The following STRN3 variants were observed in gnomAD, a reference collection of about 807,000 sequenced individuals.
STRN3 encodes striatin-3.
STRN3 carries 29 observed loss-of-function variants against 95.6 expected under a neutral mutation model. That is an observed-to-expected ratio of 0.30 (90% CI 0.23 to 0.41). STRN3 has a LOEUF of 0.41. STRN3 is among the 10% of genes least tolerant of loss of function. The probability of loss-of-function intolerance (pLI) is 1.00; values close to 1 mark genes in which losing one functional copy is unlikely to be tolerated. For synonymous variants in STRN3, 331 were observed against 357.6 expected (o/e 0.93, Z 0.84); for missense variants, 890 against 972.1 (o/e 0.92, Z 1.12).
chr14:30,962,340 T>C (rs1880251007), intron 1 of STRN3, among the ~76,000 whole-genome samples: 1 of 152,164 alleles, frequency 6.6e-6, no homozygotes, highest in African/African-American at 2.4e-5. Context: ...AGTAAAATGA[T>C]TATGGTAAGC....
rs533060281 is a variant in STRN3 at position 30,954,433 on chromosome 14, G to A, written c.460+1187C>T. Among the ~76,000 whole-genome samples, 6 of 152,092 alleles carry A rather than the reference G, an allele frequency of 3.9e-5. No individual in the cohort carries two copies. The East Asian group carries it at 1.2e-3, about 29-fold the overall frequency. On this transcript the variant is annotated intron_variant, in intron 3 of 17. Transcript: ENST00000357479. ...ATTTCTTTGGGGGTATATAAAAGGC[G>A]ACATTGTTTCATTTAATATTATCTC...
intron 1 of STRN3, chr14:31,018,468 T>C (rs1883349374): frequency 4.7e-6 from 2 of 421,656 alleles, no homozygotes; most frequent in South Asian, 3.4e-5. Context: ...CTCCTGACTG[T>C]CACCGTCACT....
At position 30,950,106 on chromosome 14, in the gene STRN3, T is replaced by C. The variant is rs1404586646; in HGVS notation, c.542+757A>G. On this transcript the variant is annotated intron_variant, in intron 4 of 17. Transcript: ENST00000357479. ...TAAGCTAGAGCTAGGGAAACAGAAATAAAATAAAAGCAACCATAGGTAGAA... is the reference window on the plus strand; with the variant it reads ...TAAGCTAGAGCTAGGGAAACAGAAACAAAATAAAAGCAACCATAGGTAGAA... 2.0e-5 allele frequency among the ~76,000 whole-genome samples: 3 copies of C among 151,216 alleles called. No homozygotes were observed. In the East Asian group the frequency reaches 5.8e-4, roughly 29 times the overall value.
intron 8 of STRN3, among the ~76,000 whole-genome samples, chr14:30,924,419 G>T (rs960458944): frequency 1.4e-5 from 2 of 147,790 alleles, no homozygotes; most frequent in Admixed American, 1.4e-4. Flanking sequence ...TCCCCAAGTA[G>T]CTGGGACTAC....
At chr14:30,900,438 TGGGGCGGGGG>T (rs1214246622) in intron 16 of STRN3, among the ~76,000 whole-genome samples, 3 of 4,124 alleles carry the variant, frequency 7.3e-4, no homozygotes, top group Non-Finnish European at 1.6e-3. Context: ...ACGGGGGGTG[TGGGGCGGGGG>T]GGGGCGGTGT....
At chr14:30,979,978 G>A (rs994715429) in intron 1 of STRN3, among the ~76,000 whole-genome samples, 2 of 128,276 alleles carry the variant, frequency 1.6e-5, no homozygotes, top group Admixed American at 1.6e-4. Flanking sequence ...GCCAGGTGCG[G>A]TGGCTCACGC....
intron 1 of STRN3, chr14:31,018,463 G>T: frequency 4.8e-6 from 2 of 419,258 alleles, no homozygotes; most frequent in South Asian, 3.4e-5. Context: ...ACCTCCTCCT[G>T]ACTGTCACCG....
chr14:31,018,649 C>A, intron 1 of STRN3: 1 of 468,582 alleles, frequency 2.1e-6, no homozygotes, highest in Non-Finnish European at 4.2e-6. Context: ...ACTTTGCGGA[C>A]AAAACTGGCC....
intron 13 of STRN3, among the ~76,000 whole-genome samples, 182 bp downstream of exon 13, chr14:30,910,859 C>T (rs1305600761): frequency 6.6e-6 from 1 of 152,044 alleles, no homozygotes; most frequent in African/African-American, 2.4e-5. Flanking sequence ...AATTCATAGG[C>T]TTAAATACCC....
At chr14:31,018,705 T>C (rs1005152405) in intron 1 of STRN3, 2 of 455,786 alleles carry the variant, frequency 4.4e-6, no homozygotes, top group Admixed American at 2.6e-5. Flanking sequence ...GTTGATAAAC[T>C]TGCAAAAAAA....
intron 8 of STRN3, among the ~76,000 whole-genome samples, chr14:30,926,154 A>T (rs1184763849): frequency 6.6e-6 from 1 of 152,134 alleles, no homozygotes; most frequent in South Asian, 2.1e-4. Context: ...TCATAAAGGA[A>T]GTATAAAAAA....
In STRN3 at chr14:31,025,956, G is replaced by C. The variant is rs777672444; in HGVS notation, c.230C>G (p.Ala77Gly). ...GTGCGCCCGCTCCATCTCGAACCGAGCCCACTCGTGCTGGATGTAGTGCAG... is the reference window on the plus strand; with the variant it reads ...GTGCGCCCGCTCCATCTCGAACCGACCCCACTCGTGCTGGATGTAGTGCAG... ...GILHYIQHEW[A>G]RFEMERAHWE... The change falls in exon 1 of 18, where the codon GCT becomes GGT. Residue 77 changes from alanine to glycine, a missense_variant. By Grantham distance (60) the Ala-to-Gly change is moderately conservative (BLOSUM62 0). Transcript: ENST00000357479. The C allele has an allele frequency of 3.8e-6, 6 of 1,592,756 alleles. No homozygotes were observed. Among genetic ancestry groups the C allele is most frequent in the Non-Finnish European group, 2.6e-6 (3 of 1,170,374 alleles).
At chr14:31,002,604 G>C (rs1171754120) in intron 1 of STRN3, among the ~76,000 whole-genome samples, 1 of 150,616 alleles carries the variant, frequency 6.6e-6, no homozygotes, top group African/African-American at 2.5e-5. Context: ...TCACGCCACT[G>C]CACTTCAGTC....
At chr14:30,903,403 C>T (rs1026267931) in intron 15 of STRN3, among the ~76,000 whole-genome samples, 10 of 152,124 alleles carry the variant, frequency 6.6e-5, no homozygotes, top group African/African-American at 2.4e-4. Context: ...AATTATAAAA[C>T]AATTTTTTTT....
At chr14:30,900,293 A>C (rs1158898664) in intron 16 of STRN3, among the ~76,000 whole-genome samples, 1 of 146,210 alleles carries the variant, frequency 6.8e-6, no homozygotes, top group African/African-American at 2.5e-5. Context: ...CAGGAGGCAG[A>C]GGTTGCAGTG....
chr14:31,009,219 T>C (rs552072129), intron 1 of STRN3, among the ~76,000 whole-genome samples: 4 of 152,164 alleles, frequency 2.6e-5, no homozygotes, highest in African/African-American at 9.6e-5. Context: ...GTACTAGACA[T>C]GAAAGGATAT....
intron 1 of STRN3, among the ~76,000 whole-genome samples, chr14:30,976,076 T>TA (rs1459741877): frequency 6.6e-6 from 1 of 152,010 alleles, no homozygotes; most frequent in African/African-American, 2.4e-5. Flanking sequence ...ACATCAATAA[T>TA]CACTTTAAAT....
In STRN3 at chr14:30,911,166, T is replaced by C. The variant is rs1566430492; in HGVS notation, c.1599-4A>G. On this transcript the variant is annotated splice_region_variant and splice_polypyrimidine_tract_variant and intron_variant, in intron 12 of 17. Transcript: ENST00000357479. ...AGCTAATGACAGAACAGGGCCGCTA[T>C]TGTAGGAAGAGAGGAAAAACAAATT... The C allele has an allele frequency of 6.2e-7, 1 of 1,606,764 alleles. No homozygotes were observed. The highest frequency in any genetic ancestry group is 8.5e-7 in the Non-Finnish European group (1 of 1,178,164).
chr14:30,974,529 A>C (rs1490341137), intron 1 of STRN3, among the ~76,000 whole-genome samples: 1 of 150,550 alleles, frequency 6.6e-6, no homozygotes, highest in African/African-American at 2.4e-5. Context: ...CAAAATCCCA[A>C]CTTTATTTCT....
Sources: allele counts gnomAD v4.1 joint callset (sites outside exome capture counted in the v4.1 genomes callset), GRCh38; gene constraint gnomAD v4.1.1; transcripts MANE v1.5; gene names NCBI Gene and HGNC (gene_info 2026-07-23, HGNC 2026-07-21).